AGPS: variants seen among roughly 807,000 people sequenced by gnomAD.
The protein encoded by AGPS is alkyldihydroxyacetonephosphate synthase, peroxisomal.
In AGPS, 26 loss-of-function variants were observed where a neutral mutation model predicts 90.7. The ratio of observed to expected loss-of-function variants is 0.29; its 90% CI spans 0.21 to 0.40. AGPS has a LOEUF of 0.40. Among genes scored for constraint, AGPS ranks in the 10% least tolerant of loss-of-function variants. The probability of loss-of-function intolerance (pLI) is 1.00; values close to 1 mark genes in which losing one functional copy is unlikely to be tolerated. For missense variants in AGPS, 540 were observed against 816.1 expected (o/e 0.66, Z 4.12); for synonymous variants, 294 against 285.3 (o/e 1.03, Z -0.31).
At chr2:177,407,129 G>C (rs560310425) in intron 1 of AGPS, among the ~76,000 whole-genome samples, 2 of 152,066 alleles carry the variant, frequency 1.3e-5, no homozygotes, top group African/African-American at 2.4e-5. Context: ...AATCTTTCTG[G>C]ACCATTTTTT....
At chr2:177,461,767 T>G in intron 8 of AGPS, 126 bp from the exon 9 acceptor site, 1 of 665,620 alleles carries the variant, frequency 1.5e-6, no homozygotes, top group Non-Finnish European at 2.3e-6. Context: ...TTTTTTTTGC[T>G]ATGTAGGAAT....
intron 2 of AGPS, among the ~76,000 whole-genome samples, chr2:177,422,388 CA>C (rs1273711190): frequency 6.6e-6 from 1 of 152,014 alleles, no homozygotes; most frequent in Non-Finnish European, 1.5e-5. Flanking sequence ...GTAATAGAAC[CA>C]GAGAATTTAT....
At chr2:177,408,564 A>G (rs540730969) in intron 1 of AGPS, among the ~76,000 whole-genome samples, 66 of 152,208 alleles carry the variant, frequency 4.3e-4, no homozygotes, top group Admixed American at 1.6e-3. Context: ...TCATGTAATC[A>G]TATTTCCATT....
At chr2:177,484,345 T>G (rs1189194451) in intron 11 of AGPS, among the ~76,000 whole-genome samples, 1 of 151,846 alleles carries the variant, frequency 6.6e-6, no homozygotes, top group Non-Finnish European at 1.5e-5. Context: ...AAAGTGTGGT[T>G]TTTTGTTTGT....
intron 11 of AGPS, among the ~76,000 whole-genome samples, chr2:177,489,692 A>G (rs1688193914): frequency 6.6e-6 from 1 of 152,230 alleles, no homozygotes; most frequent in Non-Finnish European, 1.5e-5. Flanking sequence ...TAAGTATAAA[A>G]TATAGTTAGG....
intron 8 of AGPS, among the ~76,000 whole-genome samples, chr2:177,456,582 T>C (rs1021864107): frequency 6.6e-6 from 1 of 152,224 alleles, no homozygotes; most frequent in Non-Finnish European, 1.5e-5. Context: ...GTAGAGCTCA[T>C]TCAGCATGGG....
chr2:177,503,773 C>T (rs1389526676), intron 14 of AGPS, among the ~76,000 whole-genome samples: 1 of 152,050 alleles, frequency 6.6e-6, no homozygotes, highest in East Asian at 1.9e-4. Context: ...CTATGATTTC[C>T]TTGTAAAGCC....
chr2:177,462,064 ATATTAT>A, intron 9 of AGPS, 46 bp downstream of exon 9: 1 of 1,440,150 alleles, frequency 6.9e-7, no homozygotes, highest in Non-Finnish European at 9.4e-7. Context: ...TAGTATATAG[ATATTAT>A]TATAAAATGA....
rs1175067343 is a variant in AGPS, at chr2:177,504,503, C to G, written c.1476-1003C>G. On this transcript the variant is annotated intron_variant, in intron 14 of 19. Transcript: ENST00000264167. ...AGTTCTAGACTAGAGCTGCTTATAT[C>G]AAATCTTTGCCACTTCTTTTGGATA... 2.0e-5 allele frequency among the ~76,000 whole-genome samples: 3 copies of G among 152,060 alleles called. No homozygotes were observed. In the East Asian group the frequency reaches 5.8e-4, roughly 29 times the overall value.
At chr2:177,393,145 G>T in intron 1 of AGPS, 96 bp downstream of exon 1, 3 of 1,549,140 alleles carry the variant, frequency 1.9e-6, no homozygotes, top group Non-Finnish European at 2.6e-6. Context: ...AAGTGACACG[G>T]GTGGGCGGAA....
intron 17 of AGPS, 46 bp from the exon 18 acceptor site, chr2:177,521,223 T>A: frequency 6.6e-7 from 1 of 1,506,198 alleles, no homozygotes; most frequent in South Asian, 1.1e-5. Flanking sequence ...TTAAATCTGA[T>A]TTCACTTAAC....
In AGPS at chr2:177,462,025, A is replaced by G. The variant is rs770061901; in HGVS notation, c.996+7A>G. ...TGGCAATATCGAGGACCTGGTAAAT[A>G]TTTTTCTAGTTATTATGTAATAATT... is the stretch of plus-strand genomic sequence containing the variant. On this transcript the variant is annotated splice_region_variant and intron_variant, in intron 9 of 19. Coordinates refer to ENST00000264167, the MANE Select transcript of AGPS (RefSeq NM_003659.4). The G allele has an allele frequency of 1.7e-5, 28 of 1,600,242 alleles. No homozygotes were observed. Among genetic ancestry groups the G allele is most frequent in the Non-Finnish European group, 2.4e-5 (28 of 1,170,556 alleles).
chr2:177,430,475 G>A (rs1193475076), intron 2 of AGPS, among the ~76,000 whole-genome samples: 1 of 152,156 alleles, frequency 6.6e-6, no homozygotes, highest in Non-Finnish European at 1.5e-5. Flanking sequence ...TTGAACCCAA[G>A]GCCCTGGTGG....
chr2:177,458,858 C>T (rs547782282), intron 8 of AGPS, among the ~76,000 whole-genome samples: 5 of 152,274 alleles, frequency 3.3e-5, no homozygotes, highest in East Asian at 1.9e-4. Context: ...AAAGAGCCCA[C>T]GTAGCCAAGA....
rs1472712900 is a variant in AGPS, at chr2:177,503,631, C to A, written c.1476-1875C>A. Among the ~76,000 whole-genome samples, 3 of 152,134 alleles carry A rather than the reference C, an allele frequency of 2.0e-5. No homozygotes were observed. In the East Asian group the frequency reaches 5.8e-4, roughly 29 times the overall value. On this transcript the variant is annotated intron_variant, in intron 14 of 19. Transcript: ENST00000264167. ...GTCATTTTGGAGTGATTACAAAAGT[C>A]ACAATTTAGAAGCATTTGATTTTTA... is the stretch of plus-strand genomic sequence containing the variant.
intron 1 of AGPS, among the ~76,000 whole-genome samples, chr2:177,419,032 C>A (rs982965238): frequency 6.6e-6 from 1 of 151,862 alleles, no homozygotes; most frequent in Admixed American, 6.6e-5. Context: ...GGGACTGTAG[C>A]TTTTATTAAT....
intron 17 of AGPS, among the ~76,000 whole-genome samples, chr2:177,518,647 C>T (rs1170428964): frequency 6.6e-6 from 1 of 150,642 alleles, no homozygotes; most frequent in African/African-American, 2.4e-5. Flanking sequence ...GAAGAGCTTT[C>T]CTCTCCTCTC....
At chr2:177,504,028 G>A (rs560409133) in intron 14 of AGPS, among the ~76,000 whole-genome samples, 2 of 152,284 alleles carry the variant, frequency 1.3e-5, no homozygotes, top group Admixed American at 1.3e-4. Context: ...CCTATTAAAT[G>A]TTTATACCTG....
intron 3 of AGPS, among the ~76,000 whole-genome samples, chr2:177,435,550 T>A (rs889685220): frequency 6.6e-6 from 1 of 152,118 alleles, no homozygotes; most frequent in Admixed American, 6.5e-5. Flanking sequence ...TTCCTTCTCC[T>A]ATGGGATAAA....
Sources: gnomAD v4.1 joint callset for allele counts (sites outside exome capture counted in the v4.1 genomes callset) on GRCh38, gnomAD v4.1.1 for gene constraint, MANE v1.5 for transcripts, NCBI Gene and HGNC (gene_info 2026-07-23, HGNC 2026-07-21) for gene names.